The following ARHGAP5 variants were observed in gnomAD, a reference collection of about 807,000 sequenced individuals.
ARHGAP5 encodes Rho GTPase activating protein 5, also known as rho GTPase-activating protein 5.
In ARHGAP5, 23 loss-of-function variants were observed where a neutral mutation model predicts 116.6. The ratio of observed to expected loss-of-function variants is 0.20; its 90% CI spans 0.14 to 0.28. The LOEUF is 0.28. Among genes scored for constraint, ARHGAP5 ranks in the 10% least tolerant of loss-of-function variants. ARHGAP5 has a pLI of 1.00. For synonymous variants in ARHGAP5, 574 were observed against 602.0 expected, an observed-to-expected ratio of 0.95 and a Z score of 0.68; for missense variants, 1,405 against 1,774.8, an observed-to-expected ratio of 0.79 and a Z score of 3.74.
At chr14:32,148,163 A>ATCTATCT (rs1555359597) in intron 4 of ARHGAP5, among the ~76,000 whole-genome samples, 5 of 147,438 alleles carry the variant, frequency 3.4e-5, no homozygotes, top group African/African-American at 7.6e-5. Flanking sequence ...AAAAAAAAGA[A>ATCTATCT]ATCTATCTAT....
intron 1 of ARHGAP5, among the ~76,000 whole-genome samples, chr14:32,082,202 A>T (rs1181139899): frequency 6.6e-6 from 1 of 152,186 alleles, no homozygotes; most frequent in East Asian, 1.9e-4. Context: ...GATCTAGAGA[A>T]TTTAAGATCT....
intron 1 of ARHGAP5, among the ~76,000 whole-genome samples, chr14:32,087,512 G>A (rs190634142): frequency 0.03 from 2,945 of 99,658 alleles, 40 homozygotes; most frequent in Admixed American, 0.04. Context: ...TCAAACCAAA[G>A]CCTCTTGAAT....
chr14:32,077,561 C>G, intron 1 of ARHGAP5, 126 bp downstream of exon 1: 2 of 552,434 alleles, frequency 3.6e-6, no homozygotes. Flanking sequence ...GCTGGGGCCC[C>G]GCGGCCGCCG....
intron 2 of ARHGAP5, among the ~76,000 whole-genome samples, chr14:32,113,666 T>C (rs1318216048): frequency 6.6e-6 from 1 of 152,246 alleles, no homozygotes; most frequent in African/African-American, 2.4e-5. Context: ...TTCAGGGCTG[T>C]CTGGATAAGG....
At chr14:32,118,412 G>A (rs1477493586) in intron 3 of ARHGAP5, among the ~76,000 whole-genome samples, 2 of 152,008 alleles carry the variant, frequency 1.3e-5, no homozygotes, top group Non-Finnish European at 2.9e-5. Context: ...CAGAAGAATT[G>A]CTCGAACCCA....
chr14:32,099,349 A>G (rs1307503495), intron 2 of ARHGAP5, among the ~76,000 whole-genome samples: 1 of 152,346 alleles, frequency 6.6e-6, no homozygotes, highest in Non-Finnish European at 1.5e-5. Flanking sequence ...CATAGGAGAC[A>G]GTGAACTAGA....
chr14:32,149,779 A>C (rs890620258), intron 4 of ARHGAP5, 123 bp from the exon 5 acceptor site: 1 of 538,888 alleles, frequency 1.9e-6, no homozygotes, highest in Non-Finnish European at 2.9e-6. Context: ...GTCTCAAAAA[A>C]AAAAAGAAAA....
intron 2 of ARHGAP5, among the ~76,000 whole-genome samples, chr14:32,116,828 T>C (rs768743377): frequency 1.3e-5 from 2 of 152,214 alleles, no homozygotes; most frequent in Non-Finnish European, 1.5e-5. Context: ...AATCAGGTAT[T>C]GCTTGCCCCT....
chr14:32,097,365 A>G (rs1878576783), intron 2 of ARHGAP5, among the ~76,000 whole-genome samples: 2 of 152,198 alleles, frequency 1.3e-5, no homozygotes, highest in South Asian at 2.1e-4. Flanking sequence ...TACCTCATCA[A>G]CAAACTAAAT....
Position 32,092,010 on chromosome 14 carries a change from G to A in ARHGAP5, c.1341G>A (p.Gly447=), listed in dbSNP as rs1021838425. 1 of 1,613,654 alleles carries A rather than the reference G, an allele frequency of 6.2e-7. No homozygotes were observed. The highest frequency in any genetic ancestry group is 1.3e-5 in the African/African-American group (1 of 75,008). The stretch of plus-strand genomic sequence containing the variant: ...AAAAAATTCAATTCATTTCACCAGG[G>A]CAGCCATGGGAGGAAGTTATGTGCT... ...TLEKIQFISP[G]QPWEEVMCFV... is the part of the protein sequence containing the mutation. Residue 447 remains glycine, a synonymous_variant, in exon 2 of 7, where the codon GGG becomes GGA. Transcript: ENST00000345122. This position sits in a 1 kb window ranked among gnomAD's most constrained non-coding sequence, Gnocchi z 4.1.
intron 1 of ARHGAP5, among the ~76,000 whole-genome samples, chr14:32,081,979 A>T (rs553151118): frequency 1.7e-4 from 26 of 152,224 alleles, no homozygotes; most frequent in Admixed American, 1.7e-3. Flanking sequence ...TTTGGGATGA[A>T]ACTGTTCCCC....
intron 4 of ARHGAP5, among the ~76,000 whole-genome samples, chr14:32,147,891 C>T (rs1881452911): frequency 6.6e-6 from 1 of 152,114 alleles, no homozygotes. Flanking sequence ...AGTGGCTCAC[C>T]CCTGTAATCC....
At chr14:32,136,092 G>T (rs1046091669) in intron 3 of ARHGAP5, among the ~76,000 whole-genome samples, 4 of 151,960 alleles carry the variant, frequency 2.6e-5, no homozygotes, top group African/African-American at 9.7e-5. Flanking sequence ...TTCTTGTTTT[G>T]TTTTTTTCTT....
intron 2 of ARHGAP5, among the ~76,000 whole-genome samples, chr14:32,114,472 G>A (rs754460324): frequency 7.9e-5 from 12 of 152,150 alleles, no homozygotes; most frequent in Non-Finnish European, 1.6e-4. Context: ...TTTGGTGGTG[G>A]TCGAAGTGGA....
chr14:32,146,127 G>A (rs1881365923), intron 3 of ARHGAP5, 136 bp from the exon 4 acceptor site: 1 of 569,494 alleles, frequency 1.8e-6, no homozygotes, highest in Non-Finnish European at 3.1e-6. Context: ...GCCCAGGCTG[G>A]GCTCAAACTC....
intron 1 of ARHGAP5, among the ~76,000 whole-genome samples, chr14:32,085,396 G>A (rs2041818692): frequency 6.6e-6 from 1 of 152,190 alleles, no homozygotes; most frequent in Admixed American, 6.5e-5. Flanking sequence ...GCTGCAGTGA[G>A]CTATGATCAT....
chr14:32,128,618 C>T (rs567155285), intron 3 of ARHGAP5, among the ~76,000 whole-genome samples: 5 of 152,234 alleles, frequency 3.3e-5, no homozygotes, highest in African/African-American at 7.2e-5. Context: ...GGGCTCGCCG[C>T]GCCTGGCCGC....
At chr14:32,140,679 G>A (rs999373436) in intron 3 of ARHGAP5, among the ~76,000 whole-genome samples, 3 of 152,196 alleles carry the variant, frequency 2.0e-5, no homozygotes. Context: ...CTTGTGATCA[G>A]AGAACATACT....
At chr14:32,127,474 A>G (rs1880229193) in intron 3 of ARHGAP5, among the ~76,000 whole-genome samples, 1 of 152,162 alleles carries the variant, frequency 6.6e-6, no homozygotes, top group East Asian at 1.9e-4. Flanking sequence ...CATGTTTCAG[A>G]GAGCACGGGG....
Sources: allele counts gnomAD v4.1 joint callset (sites outside exome capture counted in the v4.1 genomes callset), GRCh38; gene constraint gnomAD v4.1.1; non-coding constraint Gnocchi (gnomAD v3.1); transcripts MANE v1.5; gene names NCBI Gene and HGNC (gene_info 2026-07-23, HGNC 2026-07-21).